The following APBA2 variants were observed in gnomAD, a reference collection of about 807,000 sequenced individuals.
The protein encoded by APBA2 is amyloid-beta A4 precursor protein-binding family A member 2.
Under a neutral mutation model 75.0 loss-of-function variants are expected in APBA2, and 30 were observed. The ratio of observed to expected loss-of-function variants is 0.40; its 90% CI spans 0.30 to 0.54. APBA2 has a LOEUF of 0.54. Ranked by LOEUF, APBA2 falls within the 20% of genes least tolerant of loss-of-function variation. APBA2 has a pLI of 0.49. For synonymous variants in APBA2, 444 were observed against 409.6 expected, an observed-to-expected ratio of 1.08 and a Z score of -1.01; for missense variants, 801 against 1,016.1, an observed-to-expected ratio of 0.79 and a Z score of 2.88.
chr15:29,012,696 G>A (rs967405895), intron 3 of APBA2, among the ~76,000 whole-genome samples: 5 of 152,088 alleles, frequency 3.3e-5, no homozygotes, highest in African/African-American at 1.2e-4. Flanking sequence ...TCCAGCTTTT[G>A]CCCTTTCCTA....
chr15:28,901,320 GTT>G (rs1186071404), intron 1 of APBA2, among the ~76,000 whole-genome samples: 1 of 152,152 alleles, frequency 6.6e-6, no homozygotes, highest in Non-Finnish European at 1.5e-5. Flanking sequence ...GGGGTTTGGG[GTT>G]GTCTGAGCCC....
chr15:28,892,058 A>G (rs898824012), intron 1 of APBA2, among the ~76,000 whole-genome samples: 2 of 150,974 alleles, frequency 1.3e-5, no homozygotes, highest in African/African-American at 4.9e-5. Context: ...TAGATGGGGT[A>G]CTGTGTTATA....
At position 28,932,274 on chromosome 15, in the gene APBA2, C is replaced by A. The variant is rs912997555; in HGVS notation, c.-95+10525C>A. Among the ~76,000 whole-genome samples, 13 of 152,102 alleles carry A rather than the reference C, an allele frequency of 8.5e-5. 1 individual carries two copies. The highest frequency in any genetic ancestry group is 8.5e-4 in the Admixed American group (13 of 15,270). ...AGCTGAGGGGGGCACCTGGAGCACC[C>A]CTGCAGTCCACAGCATGGGGTGCTG... On this transcript the variant is annotated intron_variant, in intron 2 of 14. Transcript: ENST00000683413.
chr15:28,957,070 C>CA (rs1555380758), intron 2 of APBA2, among the ~76,000 whole-genome samples: 9 of 148,382 alleles, frequency 6.1e-5, no homozygotes, highest in Admixed American at 4.7e-4. Context: ...TTTTCTTTTT[C>CA]TTTTTTTTTC....
chr15:29,062,653 T>C (rs1470481540), intron 4 of APBA2, among the ~76,000 whole-genome samples: 1 of 152,218 alleles, frequency 6.6e-6, no homozygotes, highest in Admixed American at 6.5e-5. Context: ...CCGGGGTTTC[T>C]AAAACATTGT....
chr15:28,899,137 G>C (rs1042708453), intron 1 of APBA2, among the ~76,000 whole-genome samples: 77 of 152,206 alleles, frequency 5.1e-4, no homozygotes, highest in Admixed American at 2.0e-4. Flanking sequence ...AACTCATCGG[G>C]GGCAGCCCCA....
intron 1 of APBA2, among the ~76,000 whole-genome samples, chr15:28,887,779 G>A (rs566743384): frequency 2.0e-5 from 3 of 152,308 alleles, no homozygotes; most frequent in South Asian, 4.1e-4. Flanking sequence ...GCCTTCCCTC[G>A]GTGGGCTCTA....
chr15:29,055,668 AGTGTGTGTGTGT>A (rs57671107), intron 4 of APBA2, among the ~76,000 whole-genome samples: 33 of 127,534 alleles, frequency 2.6e-4, no homozygotes, highest in Middle Eastern at 4.1e-3. Context: ...CATGAATTTG[AGTGTGTGTGTGT>A]GTGTGTGTGT....
intron 6 of APBA2, among the ~76,000 whole-genome samples, chr15:29,088,664 C>T (rs990868132): frequency 1.1e-4 from 17 of 152,152 alleles, no homozygotes; most frequent in African/African-American, 3.9e-4. Flanking sequence ...CAGCTGCTCT[C>T]CCTTCTTCCT....
chr15:29,032,225 T>C (rs1242822290), intron 3 of APBA2, among the ~76,000 whole-genome samples: 1 of 152,242 alleles, frequency 6.6e-6, no homozygotes, highest in Non-Finnish European at 1.5e-5. Context: ...TGGTGCCCAG[T>C]TGATTTGCTC....
Position 28,905,895 on chromosome 15 carries a change from T to C in APBA2, c.-204-15745T>C, listed in dbSNP as rs1185429324. 3.3e-5 allele frequency among the ~76,000 whole-genome samples: 5 copies of C among 152,170 alleles called. No individual in the cohort carries two copies. The East Asian group carries it at 9.6e-4, about 29-fold the overall frequency. On this transcript the variant is annotated intron_variant, in intron 1 of 14. Coordinates refer to ENST00000683413, the MANE Select transcript of APBA2 (RefSeq NM_001353788.2). ...ATTAAAATGTACTAATTATAAGGGC[T>C]CGAACTTTACAGAAATGCATCATGT...
At chr15:29,031,563 C>T (rs7177468) in intron 3 of APBA2, among the ~76,000 whole-genome samples, 24 of 151,898 alleles carry the variant, frequency 1.6e-4, no homozygotes, top group Non-Finnish European at 3.2e-4. Context: ...TCTGCCTCCC[C>T]GGTTCAAGTG....
At chr15:29,048,163 A>G (rs1195011584) in intron 3 of APBA2, among the ~76,000 whole-genome samples, 4 of 152,166 alleles carry the variant, frequency 2.6e-5, no homozygotes, top group Non-Finnish European at 4.4e-5. Context: ...CCCGGCCAAC[A>G]TGGCAAAACT....
chr15:29,103,139 G>T (rs550743006), intron 10 of APBA2, among the ~76,000 whole-genome samples: 29 of 152,358 alleles, frequency 1.9e-4, no homozygotes, highest in African/African-American at 5.0e-4. Flanking sequence ...ACAGGTACTG[G>T]CGGAATGAGG....
chr15:28,992,353 A>AT (rs1290373564), intron 2 of APBA2, among the ~76,000 whole-genome samples: 1 of 152,206 alleles, frequency 6.6e-6, no homozygotes, highest in African/African-American at 2.4e-5. Flanking sequence ...TTTAAGGAAT[A>AT]TTTAGCATTT....
At chr15:29,075,324 C>T (rs1227816777) in intron 5 of APBA2, among the ~76,000 whole-genome samples, 3 of 152,148 alleles carry the variant, frequency 2.0e-5, no homozygotes, top group Non-Finnish European at 4.4e-5. Flanking sequence ...TATTCATTGT[C>T]TGATAACCAT....
chr15:28,958,946 A>C (rs773634926), intron 2 of APBA2, among the ~76,000 whole-genome samples: 4 of 151,636 alleles, frequency 2.6e-5, no homozygotes, highest in Non-Finnish European at 5.9e-5. Context: ...AAATCTCTTC[A>C]TTTTAAGTTT....
chr15:29,075,266 T>G (rs1239455277), intron 5 of APBA2, among the ~76,000 whole-genome samples: 4 of 152,128 alleles, frequency 2.6e-5, no homozygotes, highest in Non-Finnish European at 2.9e-5. Context: ...GGTGTGTGTG[T>G]GGGGGTGGGG....
intron 2 of APBA2, among the ~76,000 whole-genome samples, chr15:28,949,976 G>A (rs1485576797): frequency 1.3e-5 from 2 of 152,082 alleles, no homozygotes; most frequent in Non-Finnish European, 2.9e-5. Context: ...AATTTCCTTA[G>A]TTTTTGCTTA....
Sources: allele counts gnomAD v4.1 joint callset (sites outside exome capture counted in the v4.1 genomes callset), GRCh38; gene constraint gnomAD v4.1.1; transcripts MANE v1.5; gene names NCBI Gene and HGNC (gene_info 2026-07-23, HGNC 2026-07-21).